ARHGAP24: variants seen among roughly 807,000 people sequenced by gnomAD.
ARHGAP24 encodes Rho GTPase activating protein 24.
Under a neutral mutation model 76.4 loss-of-function variants are expected in ARHGAP24, and 50 were observed. The observed-to-expected ratio is 0.65, with a 90% CI of 0.52 to 0.83. The LOEUF (loss-of-function observed/expected upper bound fraction) is 0.83, where lower values mean the gene tolerates loss of function less well. Ranked by LOEUF, ARHGAP24 falls within the 40% of genes least tolerant of loss-of-function variation. The pLI is 0.00. For missense variants in ARHGAP24, 930 were observed against 914.2 expected (o/e 1.02, Z -0.22); for synonymous variants, 345 against 323.3 (o/e 1.07, Z -0.72).
chr4:85,880,322 G>A (rs1484639762), intron 3 of ARHGAP24, among the ~76,000 whole-genome samples: 1 of 152,044 alleles, frequency 6.6e-6, no homozygotes, highest in Non-Finnish European at 1.5e-5. Context: ...CATAGCTTTA[G>A]GCTACTATTG....
At chr4:85,691,748 C>A (rs1332481302) in intron 2 of ARHGAP24, among the ~76,000 whole-genome samples, 1 of 152,062 alleles carries the variant, frequency 6.6e-6, no homozygotes, top group East Asian at 1.9e-4. Context: ...GTAAGGTGAA[C>A]CTTTTGAAGA....
intron 2 of ARHGAP24, among the ~76,000 whole-genome samples, chr4:85,590,348 T>A (rs975237832): frequency 1.3e-5 from 2 of 151,444 alleles, no homozygotes; most frequent in African/African-American, 4.9e-5. Flanking sequence ...TCCTCCTTTT[T>A]ATTTTTTATT....
intron 3 of ARHGAP24, among the ~76,000 whole-genome samples, chr4:85,769,072 A>T (rs1038906095): frequency 7.2e-5 from 11 of 152,200 alleles, no homozygotes; most frequent in African/African-American, 2.4e-4. Context: ...TAGTATTCAT[A>T]TTAGAAATAG....
intron 3 of ARHGAP24, among the ~76,000 whole-genome samples, chr4:85,726,649 C>T (rs1725178817): frequency 6.6e-6 from 1 of 152,156 alleles, no homozygotes; most frequent in South Asian, 2.1e-4. Context: ...CCTTCAGCAA[C>T]CAATATACCA....
intron 3 of ARHGAP24, among the ~76,000 whole-genome samples, chr4:85,739,545 A>G (rs1725738628): frequency 6.6e-6 from 1 of 152,128 alleles, no homozygotes; most frequent in Non-Finnish European, 1.5e-5. Context: ...AAATTGTGCT[A>G]ACTGGCTGTG....
At chr4:85,490,414 C>G (rs947259577) in intron 1 of ARHGAP24, among the ~76,000 whole-genome samples, 1 of 152,146 alleles carries the variant, frequency 6.6e-6, no homozygotes, top group Admixed American at 6.5e-5. Context: ...TAAATCTGAG[C>G]TTTGCTTTGA....
rs115890655 is a variant in ARHGAP24, at chr4:85,525,195, C to T, written c.-20-45327C>T. On this transcript the variant is annotated intron_variant, in intron 1 of 9. Transcript: ENST00000395184. ...ATATGATATTCAAAAATTAATTGGA[C>T]TTTTCTGTTTAGATGTGTTTTTGCT... 2.0e-3 allele frequency among the ~76,000 whole-genome samples: 300 copies of T among 148,732 alleles called. 2 individuals carry two copies. Among genetic ancestry groups the T allele is most frequent in the African/African-American group, 7.0e-3 (283 of 40,260 alleles).
chr4:85,922,796 T>G (rs557627202), intron 3 of ARHGAP24, among the ~76,000 whole-genome samples: 7 of 152,276 alleles, frequency 4.6e-5, no homozygotes, highest in African/African-American at 1.2e-4. Flanking sequence ...ATTAACTCAC[T>G]GGGGAAACTT....
chr4:85,611,544 TG>T (rs1720381675), intron 2 of ARHGAP24, among the ~76,000 whole-genome samples: 1 of 152,230 alleles, frequency 6.6e-6, no homozygotes, highest in South Asian at 2.1e-4. Flanking sequence ...TTTCAGCTTA[TG>T]GAAAAGTTTG....
intron 1 of ARHGAP24, among the ~76,000 whole-genome samples, chr4:85,521,403 G>T (rs1724741353): frequency 5.7e-5 from 5 of 87,564 alleles, no homozygotes; most frequent in East Asian, 2.9e-3. Context: ...AGAGCCACTT[G>T]AAAAAGTAAT....
chr4:85,813,596 G>A (rs1560646945), intron 3 of ARHGAP24, among the ~76,000 whole-genome samples: 1 of 151,744 alleles, frequency 6.6e-6, no homozygotes, highest in East Asian at 1.9e-4. Flanking sequence ...ATAATTATAA[G>A]CCCTACTTTT....
chr4:85,610,727 T>C (rs1481126864), intron 2 of ARHGAP24, among the ~76,000 whole-genome samples: 1 of 152,198 alleles, frequency 6.6e-6, no homozygotes, highest in East Asian at 1.9e-4. Context: ...TGTTTGCTAG[T>C]AACTCACAAA....
intron 4 of ARHGAP24, chr4:85,931,024 T>C (rs1309830875): frequency 1.9e-6 from 3 of 1,612,862 alleles, no homozygotes; most frequent in Non-Finnish European, 2.5e-6. Context: ...AATCAAACGG[T>C]GTTTTAGTTT....
At chr4:85,774,079 A>T (rs983644647) in intron 3 of ARHGAP24, among the ~76,000 whole-genome samples, 4 of 152,176 alleles carry the variant, frequency 2.6e-5, no homozygotes, top group Non-Finnish European at 2.9e-5. Context: ...ACTTAGGGAA[A>T]GCCATTCTCT....
chr4:85,867,059 C>G (rs1412735011), intron 3 of ARHGAP24, among the ~76,000 whole-genome samples: 1 of 151,970 alleles, frequency 6.6e-6, no homozygotes, highest in Non-Finnish European at 1.5e-5. Context: ...AGGAAAACAT[C>G]CTTAAATCTG....
At chr4:85,692,774 C>T (rs985140827) in intron 2 of ARHGAP24, among the ~76,000 whole-genome samples, 4 of 152,194 alleles carry the variant, frequency 2.6e-5, no homozygotes, top group Non-Finnish European at 5.9e-5. Flanking sequence ...TCGATAGCTT[C>T]CTTGCCATCC....
At chr4:85,864,594 A>G (rs944003365) in intron 3 of ARHGAP24, among the ~76,000 whole-genome samples, 1 of 139,860 alleles carries the variant, frequency 7.2e-6, no homozygotes, top group African/African-American at 2.6e-5. Context: ...CAATTATCTG[A>G]TGTTGCAGGA....
At chr4:85,894,523 A>G (rs1408295697) in intron 3 of ARHGAP24, among the ~76,000 whole-genome samples, 1 of 152,224 alleles carries the variant, frequency 6.6e-6, no homozygotes, top group Non-Finnish European at 1.5e-5. Context: ...CAAGATTGAT[A>G]GTGAACATTT....
In ARHGAP24 at chr4:85,560,493, C is replaced by T. The variant is rs541222856; in HGVS notation, c.-20-10029C>T. 1.6e-4 allele frequency among the ~76,000 whole-genome samples: 25 copies of T among 152,240 alleles called. 1 individual carries two copies. The South Asian group carries it at 5.2e-3, about 32-fold the overall frequency. On this transcript the variant is annotated intron_variant, in intron 1 of 9. Transcript: ENST00000395184. ...ATGGAGATTGATGTTCCTGATCCAT[C>T]CCAATATACACATCATTTTTTGCTA...
Sources: allele counts gnomAD v4.1 joint callset (sites outside exome capture counted in the v4.1 genomes callset), GRCh38; gene constraint gnomAD v4.1.1; transcripts MANE v1.5; gene names NCBI Gene and HGNC (gene_info 2026-07-23, HGNC 2026-07-21).